NKAIN2: variants seen among roughly 807,000 people sequenced by gnomAD.
The protein encoded by NKAIN2 is sodium/potassium transporting ATPase interacting 2.
NKAIN2 carries 14 observed loss-of-function variants against 32.6 expected under a neutral mutation model. The ratio of observed to expected loss-of-function variants is 0.43; its 90% confidence interval spans 0.28 to 0.67. The LOEUF is 0.67. Ranked by LOEUF, NKAIN2 falls within the 30% of genes least tolerant of loss-of-function variation. The pLI is 0.17. For synonymous variants in NKAIN2, 80 were observed against 87.2 expected (o/e 0.92, Z 0.46); for missense variants, 198 against 258.3 (o/e 0.77, Z 1.60).
chr6:124,446,348 TG>T (rs1562190354), intron 3 of NKAIN2, among the ~76,000 whole-genome samples: 11 of 151,964 alleles, frequency 7.2e-5, no homozygotes, highest in Admixed American at 6.6e-4. Context: ...TTTGTTTGTT[TG>T]TTTGTTTGTT....
intron 4 of NKAIN2, among the ~76,000 whole-genome samples, chr6:124,710,001 A>T (rs2114599719): frequency 6.6e-6 from 1 of 151,880 alleles, no homozygotes; most frequent in African/African-American, 2.4e-5. Flanking sequence ...CACTGCTTCA[A>T]ATGTGTCCCA....
intron 2 of NKAIN2, among the ~76,000 whole-genome samples, chr6:124,297,881 A>T (rs886505317): frequency 6.6e-6 from 1 of 152,126 alleles, no homozygotes; most frequent in Admixed American, 6.6e-5. Context: ...ATCTGAGGCT[A>T]AAAACCTGAC....
intron 1 of NKAIN2, among the ~76,000 whole-genome samples, chr6:124,196,419 CA>C (rs1324692580): frequency 2.6e-5 from 4 of 152,030 alleles, no homozygotes; most frequent in Non-Finnish European, 5.9e-5. Context: ...GTGATGTTTA[CA>C]GAGATTTTAA....
chr6:124,567,333 A>G (rs1331611994), intron 3 of NKAIN2, among the ~76,000 whole-genome samples: 1 of 152,186 alleles, frequency 6.6e-6, no homozygotes, highest in African/African-American at 2.4e-5. Context: ...TAATTCTACT[A>G]TGTATTTCTA....
At chr6:124,740,984 T>C (rs758125409) in intron 4 of NKAIN2, among the ~76,000 whole-genome samples, 1 of 151,754 alleles carries the variant, frequency 6.6e-6, no homozygotes, top group Non-Finnish European at 1.5e-5. Context: ...TAGACTATGG[T>C]GGCAAAGCAG....
At chr6:124,556,443 T>C (rs1488309274) in intron 3 of NKAIN2, among the ~76,000 whole-genome samples, 1 of 152,194 alleles carries the variant, frequency 6.6e-6, no homozygotes, top group African/African-American at 2.4e-5. Context: ...AATGTTATTA[T>C]CTCAGGAGTA....
At chr6:124,228,105 G>T (rs972246566) in intron 1 of NKAIN2, among the ~76,000 whole-genome samples, 1 of 152,138 alleles carries the variant, frequency 6.6e-6, no homozygotes, top group Non-Finnish European at 1.5e-5. Context: ...CATCATGAAA[G>T]TTCCACCCTT....
At chr6:124,519,639 T>A (rs1779048821) in intron 3 of NKAIN2, among the ~76,000 whole-genome samples, 1 of 152,198 alleles carries the variant, frequency 6.6e-6, no homozygotes, top group Non-Finnish European at 1.5e-5. Context: ...TTCCAGAGTC[T>A]GAATTAAATT....
In NKAIN2 at chr6:124,559,143, C is replaced by T. The variant is rs184257182; in HGVS notation, c.274-99043C>T. Among the ~76,000 whole-genome samples, 93 of 152,214 alleles carry T rather than the reference C, an allele frequency of 6.1e-4. 1 individual carries two copies. The highest frequency in any genetic ancestry group is 2.2e-3 in the African/African-American group (91 of 41,520). ...TCTGCCTTAATAAATATTTATTGGA[C>T]TGATATGAATCTTGAAGTAGCAAGG... is the stretch of plus-strand genomic sequence containing the variant. On this transcript the variant is annotated intron_variant, in intron 3 of 6. Coordinates refer to ENST00000368417, the MANE Select transcript of NKAIN2 (RefSeq NM_001040214.3).
intron 5 of NKAIN2, among the ~76,000 whole-genome samples, chr6:124,815,264 G>GTA (rs1301369642): frequency 8.2e-5 from 9 of 109,182 alleles, no homozygotes; most frequent in Non-Finnish European, 1.4e-4. Flanking sequence ...ATATATATGT[G>GTA]TATATATATG....
chr6:123,923,554 A>G (rs902689429), intron 1 of NKAIN2, among the ~76,000 whole-genome samples: 15 of 151,902 alleles, frequency 9.9e-5, no homozygotes, highest in South Asian at 2.1e-4. Context: ...ATGTCCAACA[A>G]TGATAGACTG....
intron 4 of NKAIN2, among the ~76,000 whole-genome samples, chr6:124,714,679 C>T (rs961337462): frequency 2.6e-5 from 4 of 152,190 alleles, no homozygotes; most frequent in Non-Finnish European, 5.9e-5. Flanking sequence ...ATCTAATTTT[C>T]ATCTGAGCAT....
intron 3 of NKAIN2, among the ~76,000 whole-genome samples, chr6:124,652,021 GT>G (rs1399410370): frequency 6.6e-6 from 1 of 151,976 alleles, no homozygotes; most frequent in Non-Finnish European, 1.5e-5. Flanking sequence ...ATCTAGTTTT[GT>G]CTTTAAATAA....
intron 4 of NKAIN2, among the ~76,000 whole-genome samples, chr6:124,716,316 C>T (rs903629620): frequency 2.0e-5 from 3 of 152,118 alleles, no homozygotes; most frequent in Admixed American, 2.0e-4. Context: ...TTTTATCTGC[C>T]CTCTATGGGA....
intron 4 of NKAIN2, among the ~76,000 whole-genome samples, chr6:124,716,805 TTTC>T (rs1383395056): frequency 1.2e-4 from 5 of 42,824 alleles, no homozygotes; most frequent in Non-Finnish European, 2.4e-4. Flanking sequence ...TTTACTAATT[TTTC>T]TTGTTTATAG....
intron 1 of NKAIN2, among the ~76,000 whole-genome samples, chr6:123,854,994 C>A (rs1489483122): frequency 6.6e-6 from 1 of 152,118 alleles, no homozygotes; most frequent in Admixed American, 6.6e-5. Context: ...AGCATTCATA[C>A]CTCTACTCTG....
intron 5 of NKAIN2, among the ~76,000 whole-genome samples, chr6:124,801,585 T>G (rs9375372): frequency 0.22 from 33,891 of 152,182 alleles, 4,244 homozygotes; most frequent in East Asian, 0.59. Flanking sequence ...GGTAGGCTAT[T>G]TATTGTCACT....
chr6:124,817,262 C>T (rs1781206786), intron 5 of NKAIN2, among the ~76,000 whole-genome samples: 1 of 151,782 alleles, frequency 6.6e-6, no homozygotes, highest in South Asian at 2.1e-4. Flanking sequence ...TTTGGCTCAC[C>T]AGCTATCGTT....
At chr6:124,487,982 T>C (rs1270922289) in intron 3 of NKAIN2, among the ~76,000 whole-genome samples, 1 of 152,078 alleles carries the variant, frequency 6.6e-6, no homozygotes, top group Admixed American at 6.6e-5. Context: ...TGATGTTTGT[T>C]TACGTTCTTG....
Sources: gnomAD v4.1 joint callset for allele counts (sites outside exome capture counted in the v4.1 genomes callset) on GRCh38, gnomAD v4.1.1 for gene constraint, MANE v1.5 for transcripts, NCBI Gene and HGNC (gene_info 2026-07-23, HGNC 2026-07-21) for gene names.